Variants in SASH1 observed in about 807,000 individuals in gnomAD.
SASH1 encodes the protein SAM and SH3 domain containing 1, also known as SAM and SH3 domain-containing protein 1.
A neutral mutation model predicts 125.2 loss-of-function variants in SASH1; 44 were observed. The observed-to-expected ratio is 0.35, with a 90% CI of 0.28 to 0.45. The LOEUF (loss-of-function observed/expected upper bound fraction) is 0.45, where lower values mean the gene tolerates loss of function less well. Ranked by LOEUF, SASH1 falls within the 20% of genes least tolerant of loss-of-function variation. SASH1 has a pLI of 1.00. For missense variants in SASH1, 1,426 were observed against 1,614.5 expected (o/e 0.88, Z 2.00); for synonymous variants, 639 against 649.1 (o/e 0.98, Z 0.24).
At chr6:148,509,128 A>T (rs142309920) in intron 8 of SASH1, 1 of 351,628 alleles carries the variant, frequency 2.8e-6, no homozygotes, top group South Asian at 2.2e-5. Flanking sequence ...GACAATGAGC[A>T]TATATGGCTC....
intron 10 of SASH1, chr6:148,524,778 C>A (rs188048230): frequency 2.4e-4 from 36 of 153,024 alleles, no homozygotes; most frequent in Non-Finnish European, 4.5e-4. Flanking sequence ...TTCTCCCCCC[C>A]TCTTCTCAGC....
At chr6:148,522,610 T>C (rs771984083) in intron 10 of SASH1, among the ~76,000 whole-genome samples, 1 of 152,236 alleles carries the variant, frequency 6.6e-6, no homozygotes, top group East Asian at 1.9e-4. Context: ...TGCATGACAT[T>C]TTGCAATTTT....
chr6:148,284,535 C>T (rs1262234773), intron 1 of SASH1, among the ~76,000 whole-genome samples: 1 of 152,110 alleles, frequency 6.6e-6, no homozygotes, highest in Non-Finnish European at 1.5e-5. Flanking sequence ...CCTAGAGGTA[C>T]CCATTGCTTT....
At position 148,349,252 on chromosome 6, in the gene SASH1, C is replaced by CTTTTTT. The variant is rs11317386; in HGVS notation, c.156+6053_156+6058dup. Among the ~76,000 whole-genome samples the CTTTTTT allele has an allele frequency of 2.5e-3, 117 of 47,044 alleles. 5 individuals are homozygous for CTTTTTT. Among genetic ancestry groups the CTTTTTT allele is most frequent in the African/African-American group, 4.6e-3 (54 of 11,746 alleles). The allele number at this position is 47,044 out of a possible 152,430, so 30.9% of individuals were successfully genotyped here. ...TTATTTCATTCTTTCTTCTTTCTTT[C>CTTTTTT]TTTTTTTTTTTTTTTTTTTTTTTTT... On this transcript the variant is annotated intron_variant, in intron 1 of 19. Transcript: ENST00000367467.
intron 6 of SASH1, 56 bp from the exon 7 acceptor site, chr6:148,474,054 G>A (rs913472208): frequency 9.2e-6 from 10 of 1,086,854 alleles, no homozygotes; most frequent in Admixed American, 1.9e-5. Flanking sequence ...CCGCATTGAC[G>A]TTCTGTTTCG....
chr6:148,269,666 TG>T, upstream of SASH1, among the ~76,000 whole-genome samples: 1 of 152,170 alleles, frequency 6.6e-6, no homozygotes, highest in South Asian at 2.1e-4. Context: ...CCCACCCTGA[TG>T]GCCTCATTTG....
At position 148,533,028 on chromosome 6, in the gene SASH1, C is replaced by T; in HGVS notation, c.1734+62C>T. The T allele has an allele frequency of 2.6e-6, 4 of 1,540,962 alleles. No individual in the cohort carries two copies. The South Asian group carries it at 4.5e-5, about 17-fold the overall frequency. ...CTCTTCCATTTCTCTAGGAGGCTTT[C>T]TTTCCTCCTCACTGTTGAATGCTGG... On this transcript the variant is annotated intron_variant, in intron 14 of 19. Coordinates refer to ENST00000367467, the MANE Select transcript of SASH1 (RefSeq NM_015278.5). The surrounding 1 kb of genome is among the most constrained non-coding windows in gnomAD (Gnocchi z 6.2).
intron 1 of SASH1, among the ~76,000 whole-genome samples, chr6:148,310,813 T>A (rs1006899401): frequency 1.3e-5 from 2 of 151,370 alleles, no homozygotes; most frequent in African/African-American, 2.4e-5. Context: ...GAATGACTTT[T>A]AAAAAAAAAG....
At chr6:148,329,603 C>G (rs1458059759) in intron 1 of SASH1, among the ~76,000 whole-genome samples, 1 of 152,080 alleles carries the variant, frequency 6.6e-6, no homozygotes, top group Non-Finnish European at 1.5e-5. Context: ...CTCAGAAGAA[C>G]TGAGATAACT....
Position 148,533,825 on chromosome 6 carries a change from C to T in SASH1, c.1789C>T (p.Leu597=). ...GCCACCCATGGGGACCTGGATGGGC[C>T]TGCTGAACAACAAAGTCGGCACGTT... is the stretch of plus-strand genomic sequence containing the variant. ...SKPPMGTWMG[L]LNNKVGTFKF... The change falls in exon 15 of 20, where the codon CTG becomes TTG. Residue 597 remains leucine, a synonymous_variant. Transcript: ENST00000367467. The surrounding 1 kb of genome is among the most constrained non-coding windows in gnomAD (Gnocchi z 6.2). 1.2e-6 allele frequency: 2 copies of T among 1,613,982 alleles called. No individual in the cohort carries two copies. The highest frequency in any genetic ancestry group is 1.7e-6 in the Non-Finnish European group (2 of 1,179,982).
chr6:148,427,277 G>C (rs905829983), intron 2 of SASH1, among the ~76,000 whole-genome samples: 5 of 152,114 alleles, frequency 3.3e-5, no homozygotes, highest in African/African-American at 1.2e-4. Flanking sequence ...ATTCACCCAG[G>C]GGGTGGATTA....
intron 1 of SASH1, among the ~76,000 whole-genome samples, chr6:148,372,035 C>T (rs1782725033): frequency 6.6e-6 from 1 of 152,120 alleles, no homozygotes. Flanking sequence ...GGTCTTCACT[C>T]ATTTTTATAA....
chr6:148,250,756 T>C, the SASH1 span, among the ~76,000 whole-genome samples: 1 of 152,194 alleles, frequency 6.6e-6, no homozygotes, highest in East Asian at 1.9e-4. Flanking sequence ...GAAACCATCA[T>C]GGGTATTTGC....
At chr6:148,405,921 GA>G (rs565955379) in intron 2 of SASH1, among the ~76,000 whole-genome samples, 1 of 151,950 alleles carries the variant, frequency 6.6e-6, no homozygotes, top group African/African-American at 2.4e-5. Context: ...TGTTACTTAG[GA>G]AAAAAAATCA....
Position 148,474,122 on chromosome 6 carries a change from G to A in SASH1, c.527G>A (p.Gly176Asp), listed in dbSNP as rs1330374989. ...MRQTSKGEDV[G>D]YVASEITMSD... The stretch of plus-strand genomic sequence containing the variant: ...CCTCAATCTCCAGGAGAAGACGTTG[G>A]TTATGTTGCCAGTGAAATAACGATG... The change falls in exon 7 of 20, where the codon GGT (glycine) becomes GAT (aspartate). Residue 176 changes from glycine (G) to aspartate (D), a missense_variant. Gly to Asp is a moderately conservative substitution (Grantham distance 94). Transcript: ENST00000367467. 5 of 1,610,122 alleles carry A rather than the reference G, an allele frequency of 3.1e-6. No individual in the cohort carries two copies. The highest frequency in any genetic ancestry group is 4.2e-6 in the Non-Finnish European group (5 of 1,177,830).
intron 1 of SASH1, among the ~76,000 whole-genome samples, chr6:148,307,094 T>TTCTTTCTTTCTTTCTTTCTCTC (rs1240787953): frequency 3.2e-4 from 39 of 120,756 alleles, no homozygotes; most frequent in African/African-American, 1.1e-3. Flanking sequence ...CTTTCTTTCT[T>TTCTTTCTTTCTTTCTTTCTCTC]TCTCTCTCTC....
chr6:148,247,999 G>C, the SASH1 span, among the ~76,000 whole-genome samples: 1 of 152,150 alleles, frequency 6.6e-6, no homozygotes, highest in African/African-American at 2.4e-5. Context: ...TATTTATGAT[G>C]TACTGCATTA....
intron 1 of SASH1, among the ~76,000 whole-genome samples, chr6:148,327,720 C>A (rs1255324291): frequency 6.6e-5 from 10 of 150,786 alleles, no homozygotes; most frequent in Non-Finnish European, 1.3e-4. Context: ...GTGGGCAGAT[C>A]ACCTGAGGTC....
chr6:148,399,392 A>T (rs538698943), intron 2 of SASH1, among the ~76,000 whole-genome samples: 1 of 151,750 alleles, frequency 6.6e-6, no homozygotes, highest in East Asian at 1.9e-4. Flanking sequence ...CACCCAGCTA[A>T]TTTTTGTATT....
Sources: gnomAD v4.1 joint callset for allele counts (sites outside exome capture counted in the v4.1 genomes callset) on GRCh38, gnomAD v4.1.1 for gene constraint, Gnocchi (gnomAD v3.1) non-coding constraint, MANE v1.5 for transcripts, NCBI Gene and HGNC (gene_info 2026-07-23, HGNC 2026-07-21) for gene names.